Variants in NRG4 observed in about 807,000 individuals in gnomAD.
The protein encoded by NRG4 is pro-neuregulin-4, membrane-bound isoform.
A neutral mutation model predicts 15.0 loss-of-function variants in NRG4; 10 were observed. The observed-to-expected ratio is 0.67, with a 90% confidence interval of 0.41 to 1.13. NRG4 has a LOEUF of 1.13. Among genes scored for constraint, NRG4 ranks in the 50% most tolerant of loss-of-function variants. The pLI, the probability that NRG4 is intolerant of heterozygous loss-of-function variation, is 0.00. For missense variants in NRG4, 139 were observed against 140.2 expected, an observed-to-expected ratio of 0.99 and a Z score of 0.04; for synonymous variants, 41 against 50.1, an observed-to-expected ratio of 0.82 and a Z score of 0.77.
chr15:76,046,483 A>G (rs334926), intron 4 of NRG4, among the ~76,000 whole-genome samples: 10,270 of 151,066 alleles, frequency 0.068, 1,615 homozygotes, highest in African/African-American at 0.24. Flanking sequence ...AAAACAGCAT[A>G]GTACTGGCAT....
At chr15:76,021,269 A>T (rs1378078883) in intron 5 of NRG4, among the ~76,000 whole-genome samples, 1 of 152,100 alleles carries the variant, frequency 6.6e-6, no homozygotes, top group Non-Finnish European at 1.5e-5. Flanking sequence ...TTGAGGCAAG[A>T]CCCTCCCCCA....
intron 3 of NRG4, among the ~76,000 whole-genome samples, chr15:76,007,670 C>T (rs2034656659): frequency 6.6e-6 from 1 of 152,128 alleles, no homozygotes. Context: ...ACCCTGTGAT[C>T]CGCCCACCTT....
chr15:75,965,149 C>T (rs964746427), intron 3 of NRG4, among the ~76,000 whole-genome samples: 38 of 151,648 alleles, frequency 2.5e-4, no homozygotes, highest in African/African-American at 8.2e-4. Context: ...GGCGTGAACC[C>T]GGGAGGCGGA....
At chr15:75,979,180 TA>T (rs898470387) in intron 3 of NRG4, among the ~76,000 whole-genome samples, 5 of 151,714 alleles carry the variant, frequency 3.3e-5, no homozygotes, top group African/African-American at 9.7e-5. Context: ...GAGGTCTTAC[TA>T]AAAAAAAATC....
chr15:75,968,196 T>A (rs1239556484), intron 3 of NRG4, among the ~76,000 whole-genome samples: 1 of 152,174 alleles, frequency 6.6e-6, no homozygotes, highest in African/African-American at 2.4e-5. Flanking sequence ...TTCTTAATGT[T>A]GTCTTCTTTC....
intron 5 of NRG4, among the ~76,000 whole-genome samples, chr15:76,019,971 T>C (rs1042155379): frequency 6.6e-6 from 1 of 152,242 alleles, no homozygotes; most frequent in African/African-American, 2.4e-5. Flanking sequence ...TCCAACAGCC[T>C]GTGCTCACTT....
chr15:76,007,942 G>C (rs1429115716), intron 3 of NRG4, among the ~76,000 whole-genome samples: 3 of 151,996 alleles, frequency 2.0e-5, no homozygotes, highest in Admixed American at 1.3e-4. Context: ...TATTTTCTAA[G>C]GTCTCCCCTG....
chr15:76,023,675 C>T (rs1164686203), intron 5 of NRG4, among the ~76,000 whole-genome samples: 1 of 152,176 alleles, frequency 6.6e-6, no homozygotes, highest in Non-Finnish European at 1.5e-5. Context: ...GACCAGTAGC[C>T]ATTGCTCCCC....
intron 3 of NRG4, among the ~76,000 whole-genome samples, chr15:75,994,907 C>T (rs149842027): frequency 7.9e-4 from 121 of 152,264 alleles, no homozygotes; most frequent in African/African-American, 2.8e-3. Flanking sequence ...GGCATGGTGG[C>T]TTATGCCTGT....
chr15:76,011,267 G>C lies in NRG4; in HGVS notation c.-37C>G. ...AATAGTTTCATTCTTGGTCAAGAGAGTAGGGTTGAAAAACAGTACCTAAAA... is the reference window on the plus strand; with the variant it reads ...AATAGTTTCATTCTTGGTCAAGAGACTAGGGTTGAAAAACAGTACCTAAAA... On this transcript the variant is annotated 5_prime_UTR_variant, in exon 2 of 6. An upstream open reading frame in the 5' UTR gains an earlier in-frame stop. Coordinates refer to ENST00000394907, the MANE Select transcript of NRG4 (RefSeq NM_138573.4). 1 of 1,422,996 alleles carries C rather than the reference G, an allele frequency of 7.0e-7. No homozygotes were observed. The allele number at this position is 1,422,996 out of a possible 1,614,324, so 88.1% of individuals were successfully genotyped here.
chr15:75,953,238 T>C (rs1482150823), intron 5 of NRG4, among the ~76,000 whole-genome samples: 1 of 152,226 alleles, frequency 6.6e-6, no homozygotes, highest in Non-Finnish European at 1.5e-5. Flanking sequence ...TGTGAGTGGA[T>C]ATCCAGTTTT....
In NRG4 at chr15:75,992,518, C is replaced by G. The variant is rs78315611; in HGVS notation, c.104+16682G>C. Among the ~76,000 whole-genome samples the G allele has an allele frequency of 0.014, 2,056 of 152,158 alleles. 75 individuals are homozygous for G. The East Asian group carries it at 0.15, about 11-fold the overall frequency. ...TATATGATATAATTCACATACCGTA[C>G]AATCTATCCATTTAAGGTATACAAT... On this transcript the variant is annotated intron_variant, in intron 3 of 5. Transcript: ENST00000394907.
intron 4 of NRG4, among the ~76,000 whole-genome samples, chr15:75,957,934 T>C: frequency 6.6e-6 from 1 of 152,234 alleles, no homozygotes; most frequent in East Asian, 1.9e-4. Context: ...TTTTAAAAAT[T>C]ATATTTGATT....
chr15:75,998,176 C>A (rs895978860), intron 3 of NRG4, among the ~76,000 whole-genome samples: 23 of 152,168 alleles, frequency 1.5e-4, no homozygotes, highest in African/African-American at 5.1e-4. Flanking sequence ...AAAACCTACT[C>A]TATGCTTGTT....
At chr15:76,059,752 A>T (rs1267419256) in exon 1 of NRG4, 1 of 149,966 alleles carries the variant, frequency 6.7e-6, no homozygotes, top group African/African-American at 2.4e-5. Flanking sequence ...CTGCCAGCCG[A>T]CGCCGCGGTT....
chr15:75,995,423 A>G (rs2034179210), intron 3 of NRG4, among the ~76,000 whole-genome samples: 1 of 152,106 alleles, frequency 6.6e-6, no homozygotes, highest in Non-Finnish European at 1.5e-5. Flanking sequence ...ATCTCACATT[A>G]GCTAATAGAG....
chr15:75,990,684 G>GTTTT (rs1254138831), intron 3 of NRG4, among the ~76,000 whole-genome samples: 1 of 102,246 alleles, frequency 9.8e-6, no homozygotes, highest in African/African-American at 3.4e-5. Context: ...TTTTTTTTTT[G>GTTTT]TTTTTTTTTT....
intron 3 of NRG4, among the ~76,000 whole-genome samples, chr15:76,007,991 A>G (rs991368635): frequency 2.0e-5 from 3 of 152,120 alleles, no homozygotes; most frequent in African/African-American, 7.2e-5. Context: ...TTAAGTGTTG[A>G]GCACAGTCAG....
intron 5 of NRG4, among the ~76,000 whole-genome samples, chr15:76,022,905 A>G (rs75587247): frequency 0.017 from 2,589 of 152,254 alleles, 69 homozygotes; most frequent in African/African-American, 0.058. Context: ...ATAATAGTGA[A>G]GAAATAAAGC....
Sources: gnomAD v4.1 joint callset for allele counts (sites outside exome capture counted in the v4.1 genomes callset) on GRCh38, gnomAD v4.1.1 for gene constraint, MANE v1.5 for transcripts, NCBI Gene and HGNC (gene_info 2026-07-23, HGNC 2026-07-21) for gene names.